The following DGUOK variants were observed in gnomAD, a reference collection of about 807,000 sequenced individuals.
DGUOK encodes deoxyguanosine kinase.
A neutral mutation model predicts 36.6 loss-of-function variants in DGUOK; 30 were observed. That is an observed-to-expected ratio of 0.82 (90% confidence interval 0.61 to 1.11). DGUOK has a LOEUF of 1.11. DGUOK is among the 50% of genes most tolerant of loss of function. The probability of loss-of-function intolerance (pLI) is 0.00; values close to 1 mark genes in which losing one functional copy is unlikely to be tolerated. For synonymous variants in DGUOK, 145 were observed against 126.3 expected (o/e 1.15, Z -0.99); for missense variants, 361 against 336.4 (o/e 1.07, Z -0.57).
chr2:73,950,542 C>A, intron 3 of DGUOK, 43 bp from the exon 4 acceptor site: 1 of 1,609,218 alleles, frequency 6.2e-7, no homozygotes, highest in Non-Finnish European at 8.5e-7. Flanking sequence ...CATTCCATTT[C>A]CCATTCTCCT....
chr2:73,946,835 G>A lies in DGUOK; in HGVS notation c.372G>A (p.Glu124=), dbSNP rs1428246656. 1.2e-6 allele frequency: 2 copies of A among 1,613,910 alleles called. No individual in the cohort carries two copies. The highest frequency in any genetic ancestry group is 1.7e-6 in the Non-Finnish European group (2 of 1,180,006). ...SFLSRLKVQL[E]PFPEKLLQAR... Reference sequence around the variant, plus strand: ...TGAGCCGCCTGAAAGTACAGCTGGAGCCCTTCCCTGAGAAACTCTTACAGG... The same window carrying A: ...TGAGCCGCCTGAAAGTACAGCTGGAACCCTTCCCTGAGAAACTCTTACAGG... The change falls in exon 3 of 7, where the codon GAG becomes GAA. Residue 124 remains glutamate (E), a synonymous_variant. Transcript: ENST00000264093.
At chr2:73,953,299 G>A (rs369912518) in intron 4 of DGUOK, among the ~76,000 whole-genome samples, 79,617 of 141,008 alleles carry the variant, frequency 0.56, 22,683 homozygotes, top group Non-Finnish European at 0.59. Flanking sequence ...CATCGTCGTC[G>A]TCGTCGTCGT....
Position 73,929,104 on chromosome 2 carries a change from C to T in DGUOK, c.142+2052C>T, listed in dbSNP as rs115597087. 9.3e-3 allele frequency among the ~76,000 whole-genome samples: 1,412 copies of T among 152,210 alleles called. 8 individuals are homozygous for T. The highest frequency in any genetic ancestry group is 0.013 in the Non-Finnish European group (916 of 68,010). ...TCTTTTATTTCCTCCTCTCCTTCTT[C>T]CTCCCCTCCCCTCGCTTCCCCTCCT... On this transcript the variant is annotated intron_variant, in intron 1 of 6. Coordinates refer to ENST00000264093, the MANE Select transcript of DGUOK (RefSeq NM_080916.3).
intron 2 of DGUOK, among the ~76,000 whole-genome samples, chr2:73,945,483 T>A (rs1682233731): frequency 6.6e-6 from 1 of 152,208 alleles, no homozygotes; most frequent in African/African-American, 2.4e-5. Flanking sequence ...AGTAAGTTAC[T>A]TAACCTCTGA....
chr2:73,928,354 C>G (rs561011200), intron 1 of DGUOK, among the ~76,000 whole-genome samples: 1 of 152,144 alleles, frequency 6.6e-6, no homozygotes, highest in East Asian at 1.9e-4. Context: ...TCTCAAACTC[C>G]TAACCTCAGG....
intron 2 of DGUOK, among the ~76,000 whole-genome samples, chr2:73,945,615 A>T (rs1044896683): frequency 6.6e-6 from 1 of 152,178 alleles, no homozygotes; most frequent in Non-Finnish European, 1.5e-5. Context: ...TCCTTTTTCT[A>T]TACCCTTACG....
intron 4 of DGUOK, among the ~76,000 whole-genome samples, chr2:73,953,719 C>CTTTTTTTTTTTTTTTTTTT (rs386390474): frequency 2.1e-5 from 2 of 95,786 alleles, no homozygotes; most frequent in East Asian, 3.3e-4. Flanking sequence ...TCCCTAACTT[C>CTTTTTTTTTTTTTTTTTTT]TTTTTTTTTT....
intron 1 of DGUOK, among the ~76,000 whole-genome samples, chr2:73,929,381 A>G (rs904699613): frequency 1.3e-5 from 2 of 152,190 alleles, no homozygotes; most frequent in African/African-American, 4.8e-5. Flanking sequence ...AAGTGCTGGG[A>G]TTACAGAAGT....
intron 3 of DGUOK, among the ~76,000 whole-genome samples, chr2:73,949,032 A>G (rs927100590): frequency 2.0e-5 from 3 of 152,060 alleles, no homozygotes; most frequent in Admixed American, 2.0e-4. Flanking sequence ...GCTCACTGCA[A>G]CCTCCGCCTC....
At chr2:73,927,099 G>A (rs377757440) in intron 1 of DGUOK, 47 bp downstream of exon 1, 91 of 1,601,670 alleles carry the variant, frequency 5.7e-5, no homozygotes, top group East Asian at 2.5e-4. Flanking sequence ...CGCCACGCAG[G>A]CGACAGAGGC....
At chr2:73,934,934 G>A (rs979721638) in intron 1 of DGUOK, among the ~76,000 whole-genome samples, 14 of 152,056 alleles carry the variant, frequency 9.2e-5, no homozygotes, top group African/African-American at 2.4e-4. Context: ...TTAGCCGGGC[G>A]TGGTGGCACA....
At position 73,926,990 on chromosome 2, in the gene DGUOK, C is replaced by A; in HGVS notation, c.80C>A (p.Ser27Tyr). 1.2e-6 allele frequency: 2 copies of A among 1,612,408 alleles called. No homozygotes were observed. The highest frequency in any genetic ancestry group is 1.7e-6 in the Non-Finnish European group (2 of 1,180,034). ...SMAKSPLEGV[S>Y]SSRGLHAGRG... ...GCCAAGAGCCCACTCGAGGGCGTTT[C>A]CTCCTCCAGAGGCCTGCACGCGGGG... Residue 27 changes from serine to tyrosine, a missense_variant, in exon 1 of 7, where the codon TCC becomes TAC. Physicochemically the swap from Ser to Tyr is moderately radical, Grantham distance 144. Coordinates refer to ENST00000264093, the MANE Select transcript of DGUOK (RefSeq NM_080916.3).
intron 5 of DGUOK, among the ~76,000 whole-genome samples, chr2:73,957,696 C>A (rs1332722577): frequency 1.3e-5 from 2 of 152,204 alleles, no homozygotes; most frequent in Admixed American, 6.5e-5. Flanking sequence ...TGAATATAAT[C>A]TTTACATTCC....
chr2:73,933,484 G>C (rs1313033324), intron 1 of DGUOK, among the ~76,000 whole-genome samples: 1 of 152,196 alleles, frequency 6.6e-6, no homozygotes, highest in Non-Finnish European at 1.5e-5. Flanking sequence ...TCACAGAGAA[G>C]GTGGCAGTGG....
chr2:73,953,564 G>C (rs556636465), intron 4 of DGUOK, among the ~76,000 whole-genome samples: 1 of 152,112 alleles, frequency 6.6e-6, no homozygotes, highest in Non-Finnish European at 1.5e-5. Flanking sequence ...CTGTGCCCAA[G>C]GGAAGAGCAG....
intron 6 of DGUOK, among the ~76,000 whole-genome samples, 183 bp from the exon 7 acceptor site, chr2:73,958,527 C>A (rs985147689): frequency 1.3e-5 from 2 of 152,198 alleles, no homozygotes; most frequent in Non-Finnish European, 2.9e-5. Context: ...CTACTGGATT[C>A]TATTCCCAGC....
chr2:73,950,095 A>T (rs13408733), intron 3 of DGUOK, among the ~76,000 whole-genome samples: 4,469 of 152,336 alleles, frequency 0.029, 233 homozygotes, highest in African/African-American at 0.1. Context: ...AGCTAAACAA[A>T]AGGATGGCTC....
intron 1 of DGUOK, among the ~76,000 whole-genome samples, chr2:73,937,877 C>T (rs1681589752): frequency 6.6e-6 from 1 of 152,206 alleles, no homozygotes; most frequent in South Asian, 2.1e-4. Flanking sequence ...TCGGGGCAAG[C>T]TGCTATATCT....
At chr2:73,945,318 G>T (rs1213956185) in intron 2 of DGUOK, among the ~76,000 whole-genome samples, 1 of 152,012 alleles carries the variant, frequency 6.6e-6, no homozygotes, top group Non-Finnish European at 1.5e-5. Flanking sequence ...TTCCAGCTTC[G>T]TACATCCTCA....
Sources: gnomAD v4.1 joint callset for allele counts (sites outside exome capture counted in the v4.1 genomes callset) on GRCh38, gnomAD v4.1.1 for gene constraint, MANE v1.5 for transcripts, NCBI Gene and HGNC (gene_info 2026-07-23, HGNC 2026-07-21) for gene names.